The following AGK variants were observed in gnomAD, a reference collection of about 807,000 sequenced individuals.
AGK encodes the protein acylglycerol kinase, mitochondrial.
In AGK, 52 loss-of-function variants were observed where a neutral mutation model predicts 66.4. The observed-to-expected ratio is 0.78, with a 90% CI of 0.63 to 0.99. The LOEUF (loss-of-function observed/expected upper bound fraction) is 0.99. Among genes scored for constraint, AGK ranks in the 50% least tolerant of loss-of-function variants. AGK has a pLI of 0.00. For synonymous variants in AGK, 182 were observed against 181.1 expected (o/e 1.00, Z -0.04); for missense variants, 451 against 506.6 (o/e 0.89, Z 1.05).
intron 14 of AGK, chr7:141,650,786 C>T: frequency 1.6e-6 from 1 of 626,834 alleles, no homozygotes; most frequent in Non-Finnish European, 2.0e-6. Flanking sequence ...GGTTCCAGGA[C>T]CTCCCTCAGA....
intron 5 of AGK, among the ~76,000 whole-genome samples, chr7:141,604,822 T>C (rs368584202): frequency 6.6e-6 from 1 of 152,072 alleles, no homozygotes; most frequent in African/African-American, 2.4e-5. Context: ...GACCTCGTGA[T>C]CTGCCTGCCT....
intron 2 of AGK, among the ~76,000 whole-genome samples, chr7:141,586,664 A>G (rs1796000712): frequency 6.6e-6 from 1 of 152,148 alleles, no homozygotes; most frequent in African/African-American, 2.4e-5. Context: ...AAGGGATAAA[A>G]TGATCCAATC....
At chr7:141,636,891 T>C in intron 10 of AGK, 69 bp from the exon 11 acceptor site, 1 of 1,300,926 alleles carries the variant, frequency 7.7e-7, no homozygotes, top group Non-Finnish European at 1.1e-6. Flanking sequence ...TTGTCTGCCA[T>C]GAATGGTATC....
chr7:141,610,520 T>C (rs1300726927), intron 5 of AGK, among the ~76,000 whole-genome samples: 1 of 152,214 alleles, frequency 6.6e-6, no homozygotes, highest in Non-Finnish European at 1.5e-5. Context: ...AAATGGTAAG[T>C]CTTAGGCATT....
chr7:141,582,615 T>C (rs1795903962), intron 2 of AGK, among the ~76,000 whole-genome samples: 1 of 151,930 alleles, frequency 6.6e-6, no homozygotes, highest in Non-Finnish European at 1.5e-5. Context: ...CTGGACTGGG[T>C]TTTTTATATT....
intron 2 of AGK, among the ~76,000 whole-genome samples, chr7:141,559,187 T>C (rs549266813): frequency 1.3e-5 from 2 of 152,338 alleles, no homozygotes; most frequent in Non-Finnish European, 2.9e-5. Flanking sequence ...CAAGAAATCA[T>C]TGCTAAATCC....
intron 13 of AGK, among the ~76,000 whole-genome samples, chr7:141,643,854 T>C (rs1797344024): frequency 6.6e-6 from 1 of 152,140 alleles, no homozygotes. Flanking sequence ...AAGCATGTTA[T>C]AGATTAAAAG....
intron 2 of AGK, among the ~76,000 whole-genome samples, chr7:141,588,119 T>C (rs1796031274): frequency 6.6e-6 from 1 of 152,184 alleles, no homozygotes; most frequent in African/African-American, 2.4e-5. Flanking sequence ...TTAAATTAGA[T>C]GAGACTATGC....
At position 141,653,119 on chromosome 7, in the gene AGK, A is replaced by C. The variant is rs1394990493; in HGVS notation, c.*195A>C. ...ACCTGCTTTGCAATCGGCTTCCATT[A>C]GCGCATGTTTTATTTTGGTGTGACG... is the stretch of plus-strand genomic sequence containing the variant. On this transcript the variant is annotated 3_prime_UTR_variant, in exon 16 of 16. Coordinates refer to ENST00000649286, the MANE Select transcript of AGK (RefSeq NM_018238.4). 1.7e-6 allele frequency: 1 copy of C among 590,678 alleles called. No homozygotes were observed. Among genetic ancestry groups the C allele is most frequent in the African/African-American group, 1.9e-5 (1 of 53,738 alleles). 36.6% of individuals were successfully genotyped at this position (590,678 alleles called of 1,614,324 possible).
At chr7:141,605,984 T>A (rs912538426) in intron 5 of AGK, among the ~76,000 whole-genome samples, 1 of 152,184 alleles carries the variant, frequency 6.6e-6, no homozygotes, top group Non-Finnish European at 1.5e-5. Context: ...TGGCTGAATA[T>A]CAAATTACCT....
chr7:141,553,917 TA>T (rs767480724), intron 1 of AGK, among the ~76,000 whole-genome samples: 17 of 152,172 alleles, frequency 1.1e-4, no homozygotes, highest in African/African-American at 3.4e-4. Flanking sequence ...CAGATAGTCA[TA>T]AAAAAATTTT....
chr7:141,614,952 A>G (rs774651139), intron 7 of AGK, among the ~76,000 whole-genome samples: 1 of 152,204 alleles, frequency 6.6e-6, no homozygotes, highest in Non-Finnish European at 1.5e-5. Context: ...TTTGAACCTT[A>G]CAGTATCTAT....
intron 2 of AGK, among the ~76,000 whole-genome samples, chr7:141,559,461 A>G (rs1478326158): frequency 1.3e-5 from 2 of 152,146 alleles, no homozygotes; most frequent in Non-Finnish European, 2.9e-5. Context: ...TCTGTTGTTC[A>G]TTAGTCTATA....
intron 2 of AGK, among the ~76,000 whole-genome samples, chr7:141,561,943 G>A (rs1298864405): frequency 6.6e-6 from 1 of 152,190 alleles, no homozygotes; most frequent in Non-Finnish European, 1.5e-5. Context: ...TCTGGATCTA[G>A]CCATCCAGCA....
At chr7:141,647,353 G>A (rs1438222729) in intron 13 of AGK, among the ~76,000 whole-genome samples, 1 of 152,130 alleles carries the variant, frequency 6.6e-6, no homozygotes, top group East Asian at 1.9e-4. Flanking sequence ...ATGAGGCTCT[G>A]CTGATGTAGC....
chr7:141,564,103 T>G (rs1339613504), intron 2 of AGK, among the ~76,000 whole-genome samples: 1 of 152,200 alleles, frequency 6.6e-6, no homozygotes, highest in Admixed American at 6.5e-5. Flanking sequence ...TGAGACTATA[T>G]GTGCATGACA....
rs542746398 is a variant in AGK, at chr7:141,629,364, G to A, written c.589-4537G>A. Reference sequence around the variant, plus strand: ...GGCAGCACATCTCCTTTGCTGTGAAGATCTGACTGTGTGCTTGTCTTTCTT... The same window carrying A: ...GGCAGCACATCTCCTTTGCTGTGAAAATCTGACTGTGTGCTTGTCTTTCTT... On this transcript the variant is annotated intron_variant, in intron 9 of 15. Coordinates refer to ENST00000649286, the MANE Select transcript of AGK (RefSeq NM_018238.4). Among the ~76,000 whole-genome samples, 3 of 152,282 alleles carry A rather than the reference G, an allele frequency of 2.0e-5. No homozygotes were observed. The South Asian group carries it at 6.2e-4, about 32-fold the overall frequency.
intron 2 of AGK, among the ~76,000 whole-genome samples, chr7:141,572,847 G>A (rs1260267965): frequency 6.6e-6 from 1 of 152,130 alleles, no homozygotes; most frequent in African/African-American, 2.4e-5. Flanking sequence ...TTATGCATAA[G>A]CCACACTTGA....
intron 4 of AGK, among the ~76,000 whole-genome samples, chr7:141,600,644 C>T (rs1796321828): frequency 6.6e-6 from 1 of 152,174 alleles, no homozygotes; most frequent in African/African-American, 2.4e-5. Flanking sequence ...TTTTAGAACG[C>T]TTCCAGTCTA....
Sources: gnomAD v4.1 joint callset for allele counts (sites outside exome capture counted in the v4.1 genomes callset) on GRCh38, gnomAD v4.1.1 for gene constraint, MANE v1.5 for transcripts, NCBI Gene and HGNC (gene_info 2026-07-23, HGNC 2026-07-21) for gene names.